ABHD18: variants seen among roughly 807,000 people sequenced by gnomAD.
ABHD18 encodes abhydrolase domain containing 18.
A neutral mutation model predicts 65.9 loss-of-function variants in ABHD18; 55 were observed. That is an observed-to-expected ratio of 0.84 (90% CI 0.67 to 1.05). ABHD18 has a LOEUF of 1.05. Among genes scored for constraint, ABHD18 ranks in the 50% least tolerant of loss-of-function variants. The pLI, the probability that ABHD18 is intolerant of heterozygous loss-of-function variation, is 0.00. For missense variants in ABHD18, 533 were observed against 558.5 expected, an observed-to-expected ratio of 0.95 and a Z score of 0.46; for synonymous variants, 181 against 180.2, an observed-to-expected ratio of 1.00 and a Z score of -0.04.
At position 128,038,555 on chromosome 4, in the gene ABHD18, AAAGT is replaced by A. The variant is rs1759069982; in HGVS notation, c.*2744_*2747del. The stretch of plus-strand genomic sequence containing the variant: ...ACTTTTCTCAAATAAAGTGTGAAAG[AAAGT>A]ATTTTTAAAATTTCATCTCTTAACC... On this transcript the variant is annotated 3_prime_UTR_variant, in exon 13 of 13. Coordinates refer to ENST00000645843, the MANE Select transcript of ABHD18 (RefSeq NM_001358451.3). 1 of 152,178 alleles carries A rather than the reference AAAGT, an allele frequency of 6.6e-6. No homozygotes were observed. Among genetic ancestry groups the A allele is most frequent in the South Asian group, 2.1e-4 (1 of 4,834 alleles). 9.4% of individuals were successfully genotyped at this position (152,178 alleles called of 1,614,324 possible).
intron 3 of ABHD18, among the ~76,000 whole-genome samples, chr4:127,987,450 C>T (rs993121767): frequency 1.6e-4 from 24 of 152,026 alleles, no homozygotes; most frequent in African/African-American, 5.8e-4. Flanking sequence ...TGGCTCACGC[C>T]TGTAATCCCA....
intron 4 of ABHD18, among the ~76,000 whole-genome samples, chr4:128,008,376 C>T (rs905549085): frequency 6.8e-6 from 1 of 146,572 alleles, no homozygotes; most frequent in African/African-American, 2.5e-5. Context: ...GGTTTAAGCG[C>T]TTCTCCTGCC....
chr4:128,020,057 G>T lies in ABHD18; in HGVS notation c.610-23G>T, dbSNP rs375484020. On this transcript the variant is annotated intron_variant, in intron 8 of 12. Transcript: ENST00000645843. Reference sequence around the variant, plus strand: ...TAATGAATAGAAACTCTAAATAGACGCTCTCTATCTGTTATATTACAGATG... The same window carrying T: ...TAATGAATAGAAACTCTAAATAGACTCTCTCTATCTGTTATATTACAGATG... 3.3e-6 allele frequency: 5 copies of T among 1,492,682 alleles called. No homozygotes were observed. In the African/African-American group the frequency reaches 5.5e-5, roughly 16 times the overall value. The allele number at this position is 1,492,682 out of a possible 1,614,324, so 92.5% of individuals were successfully genotyped here.
rs1758840773 is a variant in ABHD18 at position 128,035,867 on chromosome 4, T to C, written c.*54T>C. On this transcript the variant is annotated 3_prime_UTR_variant, in exon 13 of 13. Transcript: ENST00000645843. ...CATGATGTTTCTTACAAAAGGGAGC[T>C]TCATCCTGTGATCATGTGAAGGACA... is the stretch of plus-strand genomic sequence containing the variant. 1.7e-6 allele frequency: 2 copies of C among 1,146,264 alleles called. No homozygotes were observed. Among genetic ancestry groups the C allele is most frequent in the African/African-American group, 3.1e-5 (2 of 64,530 alleles). The allele number at this position is 1,146,264 out of a possible 1,614,324, so 71.0% of individuals were successfully genotyped here. A position where few individuals can be genotyped will look rare whatever the true frequency, so the allele number is the denominator to read the frequency against.
intron 11 of ABHD18, among the ~76,000 whole-genome samples, chr4:128,029,335 G>C (rs557890063): frequency 1.8e-4 from 27 of 151,900 alleles, no homozygotes; most frequent in African/African-American, 4.8e-4. Context: ...ACTCCATCCT[G>C]GGTGACAGCA....
At chr4:128,004,945 G>A (rs894885110) in intron 4 of ABHD18, among the ~76,000 whole-genome samples, 2 of 147,482 alleles carry the variant, frequency 1.4e-5, no homozygotes. Flanking sequence ...AATTATACAT[G>A]AGGCCAGGCG....
intron 4 of ABHD18, among the ~76,000 whole-genome samples, chr4:127,993,720 G>A (rs1220395646): frequency 6.6e-6 from 1 of 151,714 alleles, no homozygotes; most frequent in Admixed American, 6.6e-5. Flanking sequence ...ATCATTAATG[G>A]CTCTTTGGTA....
intron 10 of ABHD18, among the ~76,000 whole-genome samples, chr4:128,023,544 A>T (rs1756877015): frequency 6.7e-6 from 1 of 150,124 alleles, no homozygotes; most frequent in Non-Finnish European, 1.5e-5. Flanking sequence ...TGATTGTGTC[A>T]TTGCACTCCA....
At chr4:127,966,514 T>G (rs775564853) in intron 1 of ABHD18, among the ~76,000 whole-genome samples, 1 of 151,908 alleles carries the variant, frequency 6.6e-6, no homozygotes, top group Non-Finnish European at 1.5e-5. Flanking sequence ...TTGTGTCATT[T>G]GTGACCTTGT....
chr4:128,007,909 A>G (rs979454391), intron 4 of ABHD18, among the ~76,000 whole-genome samples: 1 of 152,174 alleles, frequency 6.6e-6, no homozygotes, highest in African/African-American at 2.4e-5. Flanking sequence ...TGATATATCA[A>G]CAGCTTGTAC....
At chr4:128,022,985 G>T (rs1486778325) in intron 10 of ABHD18, among the ~76,000 whole-genome samples, 1 of 151,822 alleles carries the variant, frequency 6.6e-6, no homozygotes, top group Non-Finnish European at 1.5e-5. Context: ...TGGTCAGGCT[G>T]GTCTCAAACT....
chr4:127,985,537 A>AT (rs1290025917), intron 3 of ABHD18, among the ~76,000 whole-genome samples: 4 of 152,068 alleles, frequency 2.6e-5, no homozygotes, highest in African/African-American at 9.7e-5. Flanking sequence ...TTTGCTAAAT[A>AT]TTTTTATCTT....
intron 10 of ABHD18, among the ~76,000 whole-genome samples, chr4:128,024,057 C>T (rs1476312307): frequency 1.3e-5 from 2 of 152,138 alleles, no homozygotes; most frequent in South Asian, 2.1e-4. Flanking sequence ...GTTGCTGTAA[C>T]AGAATATCTG....
At chr4:127,991,195 T>A (rs1277678292) in intron 4 of ABHD18, among the ~76,000 whole-genome samples, 1 of 151,732 alleles carries the variant, frequency 6.6e-6, no homozygotes, top group African/African-American at 2.4e-5. Flanking sequence ...TTTTGTTTCG[T>A]TTTGTTTTGT....
At chr4:127,975,982 C>T (rs1413619923) in intron 1 of ABHD18, among the ~76,000 whole-genome samples, 1 of 152,018 alleles carries the variant, frequency 6.6e-6, no homozygotes, top group Non-Finnish European at 1.5e-5. Context: ...TGTGCTGCCA[C>T]ACCCAGCTAA....
chr4:128,009,071 A>G (rs377192233), intron 5 of ABHD18, 36 bp from the exon 6 acceptor site: 3 of 1,586,210 alleles, frequency 1.9e-6, no homozygotes, highest in African/African-American at 1.4e-5. Flanking sequence ...AGTGGCTACT[A>G]TATTCTTTTG....
At chr4:128,004,992 G>A (rs1378873197) in intron 4 of ABHD18, among the ~76,000 whole-genome samples, 3 of 148,142 alleles carry the variant, frequency 2.0e-5, no homozygotes, top group South Asian at 2.2e-4. Context: ...ACTTTGGGAG[G>A]CCAAGGCGGG....
rs867214922 is a variant in ABHD18, at chr4:128,039,181, A to G, written c.*3368A>G. On this transcript the variant is annotated 3_prime_UTR_variant, in exon 13 of 13. Coordinates refer to ENST00000645843, the MANE Select transcript of ABHD18 (RefSeq NM_001358451.3). ...TATATATATATATATATATATATATATATAATCTCAAAGAAGTGCGGTCTG... is the reference window on the plus strand; with the variant it reads ...TATATATATATATATATATATATATGTATAATCTCAAAGAAGTGCGGTCTG... The G allele has an allele frequency of 3.6e-4, 48 of 135,072 alleles. No homozygotes were observed. The highest frequency in any genetic ancestry group is 6.9e-4 in the South Asian group (3 of 4,334). The allele number at this position is 135,072 out of a possible 1,614,324, so 8.4% of individuals were successfully genotyped here.
chr4:128,030,629 G>C lies in ABHD18; in HGVS notation c.1300G>C (p.Gly434Arg), dbSNP rs765230932. The change falls in exon 12 of 13, where the codon GGG becomes CGG. Residue 434 changes from glycine (G) to arginine (R), a missense_variant. Transcript: ENST00000645843. Reference protein sequence around the residue: ...WPGCEIRYLEGGHISAYLFKQ... With the variant: ...WPGCEIRYLERGHISAYLFKQ... ...TGGTTGTGAAATCCGATACTTAGAAGGGGGTCATATTAGTGCTTATCTTTT... is the reference window on the plus strand; with the variant it reads ...TGGTTGTGAAATCCGATACTTAGAACGGGGTCATATTAGTGCTTATCTTTT... 1 of 1,606,448 alleles carries C rather than the reference G, an allele frequency of 6.2e-7. No individual in the cohort carries two copies. Among genetic ancestry groups the C allele is most frequent in the Non-Finnish European group, 8.5e-7 (1 of 1,178,668 alleles).
Sources: gnomAD v4.1 joint callset for allele counts (sites outside exome capture counted in the v4.1 genomes callset) on GRCh38, gnomAD v4.1.1 for gene constraint, MANE v1.5 for transcripts, NCBI Gene and HGNC (gene_info 2026-07-23, HGNC 2026-07-21) for gene names.